The following C1QTNF1 variants were observed in gnomAD, a reference collection of about 807,000 sequenced individuals.
The protein encoded by C1QTNF1 is complement C1q tumor necrosis factor-related protein 1.
C1QTNF1 carries 22 observed loss-of-function variants against 27.8 expected under a neutral mutation model. The observed-to-expected ratio is 0.79, with a 90% CI of 0.56 to 1.13. The LOEUF (loss-of-function observed/expected upper bound fraction) is 1.13. Among genes scored for constraint, C1QTNF1 ranks in the 50% most tolerant of loss-of-function variants. The probability of loss-of-function intolerance (pLI) is 0.00; values close to 1 mark genes in which losing one functional copy is unlikely to be tolerated. For missense variants in C1QTNF1, 373 were observed against 380.2 expected (o/e 0.98, Z 0.16); for synonymous variants, 166 against 154.3 (o/e 1.08, Z -0.56).
intron 1 of C1QTNF1, chr17:79,043,576 G>A: frequency 4.6e-6 from 2 of 438,942 alleles, no homozygotes; most frequent in Middle Eastern, 1.4e-3. Flanking sequence ...GTGTACATGT[G>A]TGTGGATTAC....
chr17:79,036,680 G>A (rs913928893), intron 1 of C1QTNF1, among the ~76,000 whole-genome samples: 2 of 152,166 alleles, frequency 1.3e-5, no homozygotes, highest in Non-Finnish European at 2.9e-5. Flanking sequence ...AATTGGGTAC[G>A]TGTCTGTTTC....
Position 79,047,767 on chromosome 17 carries a change from C to T in C1QTNF1, c.525C>T (p.Tyr175=), listed in dbSNP as rs566729160. Residue 175 remains tyrosine (Y), a synonymous_variant, in exon 4 of 4, where the codon TAC becomes TAT. Transcript: ENST00000579760. ...TCGACACGGAGTTCGTGAACCTCTA[C>T]GACCACTTCAACATGTTCACCGGCA... ...VIFDTEFVNL[Y]DHFNMFTGKF... 20 of 1,614,170 alleles carry T rather than the reference C, an allele frequency of 1.2e-5. No homozygotes were observed. The highest frequency in any genetic ancestry group is 2.2e-5 in the East Asian group (1 of 44,882).
In C1QTNF1 at chr17:79,047,647, G is replaced by A; in HGVS notation, c.405G>A (p.Gly135=). 1 of 1,607,702 alleles carries A rather than the reference G, an allele frequency of 6.2e-7. No individual in the cohort carries two copies. The highest frequency in any genetic ancestry group is 8.5e-7 in the Non-Finnish European group (1 of 1,175,546). The change falls in exon 4 of 4, where the codon GGG becomes GGA. Residue 135 remains glycine (G), a synonymous_variant. Transcript: ENST00000579760. ...TGPKGQKGSM[G]APGERCKSHY... is the part of the protein sequence containing the mutation. ...CCAAAGGGCAGAAGGGCTCCATGGG[G>A]GCCCCTGGGGAGCGGTGCAAGAGCC...
At chr17:79,026,062 C>A in intron 1 of C1QTNF1, 1 of 188,498 alleles carries the variant, frequency 5.3e-6, no homozygotes. Context: ...AGCAGAGCTG[C>A]AAAGCTCAAG....
chr17:79,036,383 C>T (rs561432203), intron 1 of C1QTNF1, among the ~76,000 whole-genome samples: 17 of 152,228 alleles, frequency 1.1e-4, no homozygotes, highest in Non-Finnish European at 1.8e-4. Context: ...ATATATTGCC[C>T]GGGCTGGTCT....
intron 1 of C1QTNF1, among the ~76,000 whole-genome samples, chr17:79,029,591 G>A (rs1051781887): frequency 6.6e-6 from 1 of 152,160 alleles, no homozygotes; most frequent in Non-Finnish European, 1.5e-5. Context: ...GGCTACTCCT[G>A]GGTCCAGGAA....
chr17:79,026,478 C>T (rs1599274754), intron 1 of C1QTNF1, among the ~76,000 whole-genome samples: 2 of 152,164 alleles, frequency 1.3e-5, no homozygotes, highest in East Asian at 3.9e-4. Context: ...TTTTAACCTT[C>T]CTATCTGGTG....
At chr17:79,033,865 G>A (rs1321961133) in intron 1 of C1QTNF1, among the ~76,000 whole-genome samples, 1 of 152,184 alleles carries the variant, frequency 6.6e-6, no homozygotes, top group African/African-American at 2.4e-5. Context: ...AGTCGACATT[G>A]GCAGATGCTT....
intron 1 of C1QTNF1, among the ~76,000 whole-genome samples, chr17:79,035,478 T>G (rs1364606536): frequency 1.3e-5 from 2 of 151,638 alleles, no homozygotes; most frequent in African/African-American, 2.4e-5. Flanking sequence ...TTGCACAGGT[T>G]GGAGTGCAGT....
intron 3 of C1QTNF1, chr17:79,047,045 TG>T: frequency 3.3e-6 from 1 of 306,512 alleles, no homozygotes; most frequent in East Asian, 6.8e-5. Flanking sequence ...AAATGCCACC[TG>T]CTCGCTCCGG....
chr17:79,030,714 C>A (rs999591630), intron 1 of C1QTNF1, among the ~76,000 whole-genome samples: 1 of 151,870 alleles, frequency 6.6e-6, no homozygotes, highest in Non-Finnish European at 1.5e-5. Flanking sequence ...ATTCTCCTGC[C>A]TCAGCCTTCC....
At chr17:79,022,954 G>C (rs1480896805), upstream of C1QTNF1, 1 of 152,402 alleles carries the variant, frequency 6.6e-6, no homozygotes, top group East Asian at 1.9e-4. Context: ...AGCTCTACCT[G>C]AGTGCTGGCC....
chr17:79,046,207 C>T lies in C1QTNF1; in HGVS notation c.156-348C>T, dbSNP rs2072568128. Among the ~76,000 whole-genome samples the T allele has an allele frequency of 6.6e-6, 1 of 152,056 alleles. No homozygotes were observed. ...GTCAGCTTCATATGTTATTTTCTAG[C>T]ATCACGGATATACGATAGGGAGTCC... On this transcript the variant is annotated intron_variant, in intron 2 of 3. Transcript: ENST00000579760. This position sits in a 1 kb window ranked among gnomAD's most constrained non-coding sequence, Gnocchi z 4.8.
chr17:79,030,033 T>C (rs953630131), intron 1 of C1QTNF1, among the ~76,000 whole-genome samples: 10 of 152,108 alleles, frequency 6.6e-5, no homozygotes, highest in Admixed American at 2.6e-4. Flanking sequence ...CGCTTGAGCC[T>C]CAAACGATGC....
At chr17:79,037,799 G>C (rs1171205513) in intron 1 of C1QTNF1, among the ~76,000 whole-genome samples, 2 of 151,942 alleles carry the variant, frequency 1.3e-5, no homozygotes, top group Non-Finnish European at 2.9e-5. Context: ...CTCTTGAGCA[G>C]CTGCTGGGAC....
intron 1 of C1QTNF1, among the ~76,000 whole-genome samples, chr17:79,042,183 C>A (rs1402002902): frequency 1.3e-5 from 2 of 152,216 alleles, no homozygotes; most frequent in African/African-American, 4.8e-5. Context: ...TTAGAGTTGA[C>A]CACAGTCGCT....
chr17:79,028,375 C>T lies in C1QTNF1; in HGVS notation c.-15+3881C>T, dbSNP rs560213313. Among the ~76,000 whole-genome samples, 10 of 152,320 alleles carry T rather than the reference C, an allele frequency of 6.6e-5. No homozygotes were observed. The East Asian group carries it at 7.7e-4, about 12-fold the overall frequency. ...GGGAAGCTGCTGGGAAAGCTGCCAGCCCTGGGTGGGTTCGAGGCAGATGTA... is the reference window on the plus strand; with the variant it reads ...GGGAAGCTGCTGGGAAAGCTGCCAGTCCTGGGTGGGTTCGAGGCAGATGTA... On this transcript the variant is annotated intron_variant, in intron 1 of 3. Transcript: ENST00000579760.
intron 1 of C1QTNF1, among the ~76,000 whole-genome samples, chr17:79,038,051 G>A (rs546099401): frequency 2.6e-4 from 39 of 151,590 alleles, no homozygotes; most frequent in Admixed American, 7.2e-4. Flanking sequence ...GTGCAGTGGC[G>A]CGATCTTGGC....
chr17:79,043,136 T>C (rs886178022), intron 1 of C1QTNF1, among the ~76,000 whole-genome samples: 40 of 150,020 alleles, frequency 2.7e-4, no homozygotes, highest in African/African-American at 8.3e-4. Context: ...TGTGTGTGCA[T>C]GTTGGATTGC....
Sources: gnomAD v4.1 joint callset for allele counts (sites outside exome capture counted in the v4.1 genomes callset) on GRCh38, gnomAD v4.1.1 for gene constraint, Gnocchi (gnomAD v3.1) non-coding constraint, MANE v1.5 for transcripts, NCBI Gene and HGNC (gene_info 2026-07-23, HGNC 2026-07-21) for gene names.